Variants in IL18R1 observed in about 807,000 individuals in gnomAD.
IL18R1 encodes the protein interleukin 18 receptor 1.
Under a neutral mutation model 48.5 loss-of-function variants are expected in IL18R1, and 40 were observed. The ratio of observed to expected loss-of-function variants is 0.82; its 90% CI spans 0.64 to 1.07. IL18R1 has a LOEUF of 1.07. Among genes scored for constraint, IL18R1 ranks in the 50% least tolerant of loss-of-function variants. The probability of loss-of-function intolerance (pLI) is 0.00; values close to 1 mark genes in which losing one functional copy is unlikely to be tolerated. For synonymous variants in IL18R1, 232 were observed against 225.9 expected (o/e 1.03, Z -0.24); for missense variants, 596 against 633.7 (o/e 0.94, Z 0.64).
chr2:102,370,378 A>C (rs191679386), intron 3 of IL18R1, among the ~76,000 whole-genome samples: 20 of 152,338 alleles, frequency 1.3e-4, no homozygotes, highest in Admixed American at 3.9e-4. Context: ...AGAAATCTCT[A>C]TCTCTCCAAT....
At chr2:102,364,971 C>T (rs1301574809) in intron 2 of IL18R1, among the ~76,000 whole-genome samples, 1 of 152,078 alleles carries the variant, frequency 6.6e-6, no homozygotes, top group Non-Finnish European at 1.5e-5. Flanking sequence ...CCACCAGGTC[C>T]CTCCTATGAC....
intron 10 of IL18R1, 46 bp from the exon 11 acceptor site, chr2:102,396,485 C>G: frequency 2.6e-6 from 3 of 1,132,490 alleles, no homozygotes; most frequent in Non-Finnish European, 3.8e-6. Flanking sequence ...CTCATGTTCC[C>G]CCTTTCAGTT....
chr2:102,375,144 C>T (rs1224154552), intron 4 of IL18R1, among the ~76,000 whole-genome samples: 1 of 152,176 alleles, frequency 6.6e-6, no homozygotes, highest in Non-Finnish European at 1.5e-5. Context: ...GTAGGTTCTC[C>T]TTGCTTGGTG....
At chr2:102,386,174 C>A (rs958947884) in intron 7 of IL18R1, among the ~76,000 whole-genome samples, 1 of 152,110 alleles carries the variant, frequency 6.6e-6, no homozygotes, top group Non-Finnish European at 1.5e-5. Context: ...CACATGGGGC[C>A]CATGTCTGGC....
chr2:102,381,806 T>G, intron 6 of IL18R1, 124 bp downstream of exon 6: 1 of 697,400 alleles, frequency 1.4e-6, no homozygotes, highest in Non-Finnish European at 2.5e-6. Flanking sequence ...TGAATAACAT[T>G]ACAAAACTAA....
intron 1 of IL18R1, among the ~76,000 whole-genome samples, chr2:102,360,627 T>C (rs1678520901): frequency 6.6e-6 from 1 of 152,218 alleles, no homozygotes; most frequent in Non-Finnish European, 1.5e-5. Context: ...ATATTATACA[T>C]GTTGAGATTA....
intron 1 of IL18R1, among the ~76,000 whole-genome samples, chr2:102,362,412 T>C (rs759242636): frequency 4.6e-5 from 7 of 152,192 alleles, no homozygotes; most frequent in Non-Finnish European, 7.3e-5. Context: ...GAGAAATAAA[T>C]TATTAGGGAT....
intron 8 of IL18R1, among the ~76,000 whole-genome samples, chr2:102,388,865 T>C (rs1680396974): frequency 1.3e-5 from 2 of 152,162 alleles, no homozygotes; most frequent in Non-Finnish European, 2.9e-5. Flanking sequence ...GGAAAGATAA[T>C]TTTTAAAAAT....
At chr2:102,361,952 T>G (rs966483750) in intron 1 of IL18R1, among the ~76,000 whole-genome samples, 11 of 152,102 alleles carry the variant, frequency 7.2e-5, no homozygotes, top group African/African-American at 2.7e-4. Context: ...TGTCACTTCA[T>G]CTCTCCATTT....
At chr2:102,369,185 C>T (rs1473477154) in intron 3 of IL18R1, among the ~76,000 whole-genome samples, 9 of 58,328 alleles carry the variant, frequency 1.5e-4, no homozygotes, top group African/African-American at 4.6e-4. Flanking sequence ...CAACAAACAC[C>T]GCCCCCCCCA....
At chr2:102,390,380 T>C (rs149700362) in intron 9 of IL18R1, among the ~76,000 whole-genome samples, 163 bp downstream of exon 9, 25 of 152,322 alleles carry the variant, frequency 1.6e-4, no homozygotes, top group African/African-American at 5.8e-4. Flanking sequence ...TTATGAATGT[T>C]GTCTATGTCT....
At chr2:102,381,134 G>A (rs963143843) in intron 5 of IL18R1, among the ~76,000 whole-genome samples, 3 of 152,194 alleles carry the variant, frequency 2.0e-5, no homozygotes, top group African/African-American at 7.2e-5. Flanking sequence ...CCAAGGTGAG[G>A]TTCCTGGGGC....
Position 102,390,284 on chromosome 2 carries a change from A to C in IL18R1, c.1111+67A>C, listed in dbSNP as rs1680490407. On this transcript the variant is annotated intron_variant, in intron 9 of 10. Coordinates refer to ENST00000233957, the MANE Select transcript of IL18R1 (RefSeq NM_003855.5). ...TTAAGAAATCAGATAAATAGGCATT[A>C]ATCTTCATCTTATTGTGATGATATT... 6.7e-6 allele frequency: 9 copies of C among 1,349,344 alleles called. No homozygotes were observed. The South Asian group carries it at 1.1e-4, about 16-fold the overall frequency. 83.6% of individuals were successfully genotyped at this position (1,349,344 alleles called of 1,614,324 possible).
chr2:102,393,386 G>T (rs1025289390), intron 9 of IL18R1, among the ~76,000 whole-genome samples: 2 of 152,180 alleles, frequency 1.3e-5, no homozygotes, highest in East Asian at 3.8e-4. Flanking sequence ...ATGCAATTCT[G>T]CAAAGCAATT....
At chr2:102,372,145 T>C (rs375658526) in intron 4 of IL18R1, 27 bp downstream of exon 4, 291 of 1,527,556 alleles carry the variant, frequency 1.9e-4, no homozygotes, top group Non-Finnish European at 2.4e-4. Context: ...ATTTTAACTT[T>C]AAGACTTGAT....
intron 4 of IL18R1, among the ~76,000 whole-genome samples, chr2:102,372,504 A>G (rs546652782): frequency 3.9e-5 from 6 of 152,328 alleles, no homozygotes; most frequent in African/African-American, 1.4e-4. Context: ...ATATTAGTTC[A>G]TTTTATAAAA....
At chr2:102,380,515 C>T (rs1467666012) in intron 5 of IL18R1, among the ~76,000 whole-genome samples, 1 of 152,186 alleles carries the variant, frequency 6.6e-6, no homozygotes, top group Admixed American at 6.5e-5. Flanking sequence ...CTCAGCTCCT[C>T]CTGCCTGTTT....
chr2:102,357,701 G>A (rs1171183805), intron 1 of IL18R1, among the ~76,000 whole-genome samples: 5 of 152,078 alleles, frequency 3.3e-5, no homozygotes, highest in South Asian at 2.1e-4. Flanking sequence ...TAGGGACCTG[G>A]CATCTGGGAT....
chr2:102,389,682 C>G (rs1194366522), intron 8 of IL18R1, among the ~76,000 whole-genome samples: 3 of 152,184 alleles, frequency 2.0e-5, no homozygotes, highest in Non-Finnish European at 4.4e-5. Flanking sequence ...AGTGCTCTCT[C>G]TCTTCTCTCA....
Sources: gnomAD v4.1 joint callset for allele counts (sites outside exome capture counted in the v4.1 genomes callset) on GRCh38, gnomAD v4.1.1 for gene constraint, MANE v1.5 for transcripts, NCBI Gene and HGNC (gene_info 2026-07-23, HGNC 2026-07-21) for gene names.